Variants in SRFBP1 observed in about 807,000 individuals in gnomAD.
SRFBP1 encodes the protein serum response factor binding protein 1.
A neutral mutation model predicts 45.5 loss-of-function variants in SRFBP1; 47 were observed. That is an observed-to-expected ratio of 1.03 (90% CI 0.82 to 1.32). The LOEUF is 1.32. Among genes scored for constraint, SRFBP1 ranks in the 40% most tolerant of loss-of-function variants. The pLI, the probability that SRFBP1 is intolerant of heterozygous loss-of-function variation, is 0.00. For missense variants in SRFBP1, 621 were observed against 484.6 expected (o/e 1.28, Z -2.64); for synonymous variants, 203 against 166.3 (o/e 1.22, Z -1.70).
chr5:121,973,603 T>C (rs1752243126), intron 1 of SRFBP1, among the ~76,000 whole-genome samples: 1 of 140,428 alleles, frequency 7.1e-6, no homozygotes, highest in Admixed American at 7.0e-5. Context: ...TGTATGTGTG[T>C]GCATGTGTGT....
intron 7 of SRFBP1, among the ~76,000 whole-genome samples, chr5:122,023,018 T>C (rs1753394337): frequency 6.6e-6 from 1 of 152,190 alleles, no homozygotes; most frequent in African/African-American, 2.4e-5. Context: ...ATATTCTCCA[T>C]TTGCCAATAG....
At chr5:122,077,969 G>A (rs747093212), downstream of SRFBP1, 1 of 1,464,644 alleles carries the variant, frequency 6.8e-7, no homozygotes, top group Non-Finnish European at 9.0e-7. This position sits in a 1 kb window ranked among gnomAD's most constrained non-coding sequence, Gnocchi z 4.9. Flanking sequence ...CAGGAGCACG[G>A]TCCAGGCGAA....
chr5:122,019,301 A>G lies in SRFBP1; in HGVS notation c.312A>G (p.Ala104=). 4.3e-6 allele frequency: 7 copies of G among 1,612,706 alleles called. No homozygotes were observed. The highest frequency in any genetic ancestry group is 5.1e-6 in the Non-Finnish European group (6 of 1,179,200). The part of the protein sequence containing the change: ...TATERAIARL[A]VHPLLKKKID... The stretch of plus-strand genomic sequence containing the variant: ...CTGAAAGAGCAATTGCCAGACTAGC[A>G]GTACATCCTCTTCTGAAGAAAAAGA... The change falls in exon 5 of 8, where the codon GCA becomes GCG. Residue 104 remains alanine (A), a synonymous_variant. Transcript: ENST00000339397.
intron 3 of SRFBP1, among the ~76,000 whole-genome samples, chr5:121,990,559 C>G (rs183265846): frequency 3.3e-5 from 5 of 152,218 alleles, no homozygotes; most frequent in Admixed American, 6.5e-5. Context: ...TACATGTACC[C>G]TTGTATCTAA....
intron 2 of SRFBP1, among the ~76,000 whole-genome samples, chr5:122,073,361 T>C (rs1754509591): frequency 6.6e-6 from 1 of 152,244 alleles, no homozygotes; most frequent in African/African-American, 2.4e-5. Flanking sequence ...TCAATTATAC[T>C]GTAGATTTAA....
At chr5:122,018,552 A>C (rs1580529084) in intron 4 of SRFBP1, among the ~76,000 whole-genome samples, 1 of 152,318 alleles carries the variant, frequency 6.6e-6, no homozygotes, top group Non-Finnish European at 1.5e-5. Flanking sequence ...GTGAGGAAAA[A>C]TCAAAGAATT....
At chr5:121,974,037 A>G (rs751430101) in intron 1 of SRFBP1, among the ~76,000 whole-genome samples, 159 bp from the exon 2 acceptor site, 2 of 151,846 alleles carry the variant, frequency 1.3e-5, no homozygotes, top group African/African-American at 2.4e-5. Context: ...TTCCTTCACT[A>G]TTTATGGAAG....
At chr5:121,999,507 T>G (rs574842362) in intron 4 of SRFBP1, among the ~76,000 whole-genome samples, 2 of 152,266 alleles carry the variant, frequency 1.3e-5, no homozygotes, top group South Asian at 2.1e-4. Flanking sequence ...TTTTACTGTT[T>G]TTTTTTCTGC....
chr5:122,047,078 T>C (rs1467759594), intron 2 of SRFBP1, among the ~76,000 whole-genome samples: 1 of 152,234 alleles, frequency 6.6e-6, no homozygotes, highest in Non-Finnish European at 1.5e-5. Flanking sequence ...ATTTTGGCTT[T>C]TGTTGCCATT....
At position 122,027,015 on chromosome 5, in the gene SRFBP1, A is replaced by G. The variant is rs776390312; in HGVS notation, c.1179A>G (p.Lys393=). 29 of 1,613,044 alleles carry G rather than the reference A, an allele frequency of 1.8e-5. No individual in the cohort carries two copies. The highest frequency in any genetic ancestry group is 9.3e-6 in the Non-Finnish European group (11 of 1,179,666). Residue 393 remains lysine (K), a synonymous_variant, in exon 8 of 8, where the codon AAA becomes AAG. Transcript: ENST00000339397. ...KKLSGRLENT[K]QQLQLPLHPS... ...TATCAGGAAGACTTGAAAATACAAA[A>G]CAGCAATTGCAGCTGCCTCTTCATC... is the stretch of plus-strand genomic sequence containing the variant.
chr5:122,020,284 T>A lies in SRFBP1; in HGVS notation c.549T>A (p.Asn183Lys), dbSNP rs752876694. 5.0e-6 allele frequency: 8 copies of A among 1,611,916 alleles called. No individual in the cohort carries two copies. Among genetic ancestry groups the A allele is most frequent in the Non-Finnish European group, 6.8e-6 (8 of 1,179,476 alleles). ...TKILAKKPIH[N>K]SKEKIAKMEH... Reference sequence around the variant, plus strand: ...TATTGGCGAAGAAACCAATACATAATTCAAAGGAAAAAATAGCAAAGATGG... The same window carrying A: ...TATTGGCGAAGAAACCAATACATAAATCAAAGGAAAAAATAGCAAAGATGG... The change falls in exon 6 of 8, where the codon AAT (asparagine) becomes AAA (lysine). Residue 183 changes from asparagine to lysine, a missense_variant. Asn to Lys is a moderately conservative substitution (Grantham distance 94). Coordinates refer to ENST00000339397, the MANE Select transcript of SRFBP1 (RefSeq NM_152546.3).
chr5:122,072,814 T>C (rs949354531), intron 2 of SRFBP1, among the ~76,000 whole-genome samples: 11 of 152,232 alleles, frequency 7.2e-5, no homozygotes, highest in Non-Finnish European at 4.4e-5. Flanking sequence ...AGAAGTGCTA[T>C]AATGTCTACA....
rs778323038 is a variant in SRFBP1 at position 122,019,267 on chromosome 5, C to G, written c.278C>G (p.Ser93Cys). The stretch of plus-strand genomic sequence containing the variant: ...ATATTTTTAAATTTGCAGCCAGATT[C>G]TACTGCAACTGAAAGAGCAATTGCC... The part of the protein sequence containing the change: ...NFEKIFKKPD[S>C]TATERAIARL... The change falls in exon 5 of 8, where the codon TCT becomes TGT. Residue 93 changes from serine to cysteine, a missense_variant. Physicochemically the swap from Ser to Cys is moderately radical, Grantham distance 112 (BLOSUM62 -1). Transcript: ENST00000339397. 6.2e-7 allele frequency: 1 copy of G among 1,611,826 alleles called. No individual in the cohort carries two copies.
intron 3 of SRFBP1, 87 bp from the exon 4 acceptor site, chr5:121,994,512 T>G (rs1166964060): frequency 2.5e-6 from 2 of 797,408 alleles, no homozygotes; most frequent in Non-Finnish European, 4.0e-6. Flanking sequence ...TATTTAATAT[T>G]AAGTTTCTTA....
At chr5:122,043,584 C>A (rs1323256415) in intron 2 of SRFBP1, among the ~76,000 whole-genome samples, 1 of 152,146 alleles carries the variant, frequency 6.6e-6, no homozygotes, top group Non-Finnish European at 1.5e-5. Flanking sequence ...ATTTTATAGG[C>A]AACTTTTGTG....
chr5:121,993,390 T>C (rs1278377729), intron 3 of SRFBP1, among the ~76,000 whole-genome samples: 1 of 152,190 alleles, frequency 6.6e-6, no homozygotes, highest in Non-Finnish European at 1.5e-5. Flanking sequence ...CTTGTTTAAA[T>C]TGTCCTATGA....
chr5:122,030,591 TTA>T (rs1225897750), downstream of SRFBP1, among the ~76,000 whole-genome samples: 1 of 151,606 alleles, frequency 6.6e-6, no homozygotes, highest in East Asian at 1.9e-4. Context: ...TCAAAAACAA[TTA>T]GAGGCTTTTT....
intron 1 of SRFBP1, among the ~76,000 whole-genome samples, chr5:121,966,946 ATTTTT>A (rs34687337): frequency 8.7e-5 from 10 of 114,668 alleles, no homozygotes; most frequent in Admixed American, 3.0e-4. Flanking sequence ...CGCCCAGCTA[ATTTTT>A]TTTTTTTTTT....
downstream of SRFBP1, chr5:122,077,529 C>G: frequency 6.2e-7 from 1 of 1,613,768 alleles, no homozygotes; most frequent in Non-Finnish European, 8.5e-7. This position sits in a 1 kb window ranked among gnomAD's most constrained non-coding sequence, Gnocchi z 4.9. Context: ...TTACTGAGCG[C>G]AGGAACTTCT....
Sources: gnomAD v4.1 joint callset for allele counts (sites outside exome capture counted in the v4.1 genomes callset) on GRCh38, gnomAD v4.1.1 for gene constraint, Gnocchi (gnomAD v3.1) non-coding constraint, MANE v1.5 for transcripts, NCBI Gene and HGNC (gene_info 2026-07-23, HGNC 2026-07-21) for gene names.